CSMD3: variants seen among roughly 807,000 people sequenced by gnomAD.
The protein encoded by CSMD3 is CUB and Sushi multiple domains 3.
A neutral mutation model predicts 435.2 loss-of-function variants in CSMD3; 177 were observed. The observed-to-expected ratio is 0.41, with a 90% confidence interval of 0.36 to 0.46. The LOEUF (loss-of-function observed/expected upper bound fraction) is 0.46, where lower values mean the gene tolerates loss of function less well. Among genes scored for constraint, CSMD3 ranks in the 20% least tolerant of loss-of-function variants. The pLI is 0.34. For missense variants in CSMD3, 4,265 were observed against 4,504.6 expected (o/e 0.95, Z 1.52); for synonymous variants, 1,656 against 1,520.5 (o/e 1.09, Z -2.07).
intron 24 of CSMD3, 118 bp from the exon 25 acceptor site, chr8:112,557,072 G>T: frequency 1.5e-6 from 1 of 659,586 alleles, no homozygotes; most frequent in Non-Finnish European, 2.6e-6. Flanking sequence ...TAGTCATATT[G>T]CCCTTACCAT....
chr8:113,076,891 T>C (rs1331097833), intron 5 of CSMD3, among the ~76,000 whole-genome samples: 6 of 152,178 alleles, frequency 3.9e-5, no homozygotes, highest in African/African-American at 1.4e-4. Context: ...TTCATCATAT[T>C]ATTTATCACA....
At chr8:113,106,578 A>G (rs1467646416) in intron 4 of CSMD3, among the ~76,000 whole-genome samples, 3 of 152,224 alleles carry the variant, frequency 2.0e-5, no homozygotes, top group Non-Finnish European at 4.4e-5. Flanking sequence ...AAGGATTTAC[A>G]AATTTGATGA....
At chr8:113,427,711 T>C (rs1040186643) in intron 1 of CSMD3, among the ~76,000 whole-genome samples, 2 of 151,600 alleles carry the variant, frequency 1.3e-5, no homozygotes, top group Non-Finnish European at 3.0e-5. Flanking sequence ...TATTTTAATT[T>C]TGAAAAATAT....
rs192146765 is a variant in CSMD3 at position 112,399,950 on chromosome 8, G to A, written c.5809+6574C>T. 1.3e-4 allele frequency among the ~76,000 whole-genome samples: 20 copies of A among 152,040 alleles called. No individual in the cohort carries two copies. The East Asian group carries it at 2.1e-3, about 16-fold the overall frequency. ...TTCTGAGCCCTCATCAGAATTTCCC[G>A]TTACAGTTCTTTCACAACAATGTAG... On this transcript the variant is annotated intron_variant, in intron 35 of 70. Transcript: ENST00000297405.
chr8:113,019,163 T>C lies in CSMD3; in HGVS notation c.934A>G (p.Ile312Val). The stretch of plus-strand genomic sequence containing the variant: ...TTGTTGCTGATAATTGGTGGTGGTA[T>C]ATTCATTCCAGATAACCTGAATTAC... ...PPTIWLSGMN[I>V]PPPIISNKNW... Residue 312 changes from isoleucine to valine, a missense_variant, in exon 6 of 71, where the codon ATA (isoleucine) becomes GTA (valine). Ile to Val is a conservative substitution (Grantham distance 29). Around this residue, in one of 3 missense-constraint regions of CSMD3, gnomAD observed 731 missense variants for 755.4 expected, o/e 0.97. Coordinates refer to ENST00000297405, the MANE Select transcript of CSMD3 (RefSeq NM_198123.2). 1 of 1,610,690 alleles carries C rather than the reference T, an allele frequency of 6.2e-7. No homozygotes were observed. The highest frequency in any genetic ancestry group is 8.5e-7 in the Non-Finnish European group (1 of 1,176,952).
intron 20 of CSMD3, among the ~76,000 whole-genome samples, chr8:112,644,595 G>A (rs1563805190): frequency 6.6e-6 from 1 of 151,960 alleles, no homozygotes; most frequent in East Asian, 1.9e-4. Flanking sequence ...CACTCTATGT[G>A]AGACATATCT....
intron 9 of CSMD3, among the ~76,000 whole-genome samples, chr8:112,926,213 CTT>C (rs1245985459): frequency 1.3e-5 from 2 of 151,124 alleles, no homozygotes; most frequent in African/African-American, 4.9e-5. Context: ...TTGAGTCAAA[CTT>C]AAGAAAAACT....
intron 23 of CSMD3, among the ~76,000 whole-genome samples, chr8:112,585,584 T>G (rs1830662946): frequency 6.6e-6 from 1 of 151,654 alleles, no homozygotes; most frequent in Non-Finnish European, 1.5e-5. Context: ...AATCATTTGT[T>G]ATCCCAAATA....
intron 45 of CSMD3, 72 bp downstream of exon 45, chr8:112,335,257 T>C: frequency 7.2e-7 from 1 of 1,386,266 alleles, no homozygotes; most frequent in South Asian, 1.2e-5. Context: ...GTTAAATATA[T>C]ATTACATTCA....
At chr8:113,089,382 C>T (rs201581389) in intron 5 of CSMD3, among the ~76,000 whole-genome samples, 3 of 143,170 alleles carry the variant, frequency 2.1e-5, no homozygotes, top group African/African-American at 7.9e-5. Context: ...CTATTTTTTT[C>T]TATTTTCCAC....
chr8:112,955,415 T>C (rs1381490630), intron 7 of CSMD3, among the ~76,000 whole-genome samples: 2 of 151,732 alleles, frequency 1.3e-5, no homozygotes, highest in Non-Finnish European at 3.0e-5. Context: ...TACATATTTA[T>C]GGCGTACATA....
chr8:112,695,512 C>T (rs574253352), intron 13 of CSMD3, among the ~76,000 whole-genome samples: 2 of 152,154 alleles, frequency 1.3e-5, no homozygotes, highest in East Asian at 3.9e-4. Flanking sequence ...GCAGAAAAGG[C>T]CTTTGACAAA....
chr8:112,346,813 G>C (rs1825724243), intron 40 of CSMD3, among the ~76,000 whole-genome samples: 1 of 151,052 alleles, frequency 6.6e-6, no homozygotes, highest in African/African-American at 2.4e-5. Context: ...CGAGTAGCTG[G>C]GACTACAGGC....
chr8:113,192,401 C>G (rs913122409), intron 3 of CSMD3, among the ~76,000 whole-genome samples: 3 of 151,422 alleles, frequency 2.0e-5, no homozygotes, highest in African/African-American at 7.3e-5. Flanking sequence ...AATTTTCTTT[C>G]GATATGGAAT....
chr8:112,895,670 G>A (rs1020476724), intron 10 of CSMD3, among the ~76,000 whole-genome samples: 5 of 151,288 alleles, frequency 3.3e-5, no homozygotes, highest in African/African-American at 9.7e-5. Flanking sequence ...GATTTTTCCC[G>A]AAATATTTCA....
At chr8:112,800,913 A>G (rs2078945893) in intron 12 of CSMD3, among the ~76,000 whole-genome samples, 1 of 152,046 alleles carries the variant, frequency 6.6e-6, no homozygotes, top group East Asian at 1.9e-4. Context: ...TAAGAAGGGA[A>G]ATTACTTCAC....
intron 13 of CSMD3, among the ~76,000 whole-genome samples, chr8:112,758,154 A>G (rs1587199689): frequency 6.6e-6 from 1 of 151,970 alleles, no homozygotes. Context: ...GGAGTTCAAG[A>G]CCAGCCTGGC....
rs551271132 is a variant in CSMD3 at position 112,239,356 on chromosome 8, C to G, written c.10469-2008G>C. ...TTACTACAATGTTGAATTTGATTTG[C>G]TAAGATTTTATGTAAGATTTTCTCA... On this transcript the variant is annotated intron_variant, in intron 66 of 70. Coordinates refer to ENST00000297405, the MANE Select transcript of CSMD3 (RefSeq NM_198123.2). Among the ~76,000 whole-genome samples the G allele has an allele frequency of 7.2e-5, 11 of 152,176 alleles. 1 individual carries two copies. In the East Asian group the frequency reaches 1.4e-3, roughly 19 times the overall value.
chr8:112,705,369 C>T lies in CSMD3; in HGVS notation c.1973-15319G>A, dbSNP rs79797746. ...TTCTCCAGTATATCTTACTCACTTC[C>T]CCACAAGTTAATGCCCCAGCCCAAA... is the stretch of plus-strand genomic sequence containing the variant. On this transcript the variant is annotated intron_variant, in intron 13 of 70. Coordinates refer to ENST00000297405, the MANE Select transcript of CSMD3 (RefSeq NM_198123.2). 4.8e-3 allele frequency among the ~76,000 whole-genome samples: 728 copies of T among 152,094 alleles called. 10 individuals carry two copies. Among genetic ancestry groups the T allele is most frequent in the African/African-American group, 0.017 (703 of 41,514 alleles).
Sources: gnomAD v4.1 joint callset for allele counts (sites outside exome capture counted in the v4.1 genomes callset) on GRCh38, gnomAD v4.1.1 for gene constraint, gnomAD v4.1.1 regional missense constraint, MANE v1.5 for transcripts, NCBI Gene and HGNC (gene_info 2026-07-23, HGNC 2026-07-21) for gene names.